The following ZFHX3 variants were observed in gnomAD, a reference collection of about 807,000 sequenced individuals.
ZFHX3 encodes the protein zinc finger homeobox 3, also known as zinc finger homeobox protein 3.
A neutral mutation model predicts 279.1 loss-of-function variants in ZFHX3; 42 were observed. The ratio of observed to expected loss-of-function variants is 0.15; its 90% CI spans 0.12 to 0.19. ZFHX3 has a LOEUF of 0.19. Ranked by LOEUF, ZFHX3 falls within the 10% of genes least tolerant of loss-of-function variation. The pLI is 1.00. For synonymous variants in ZFHX3, 2,293 were observed against 1,957.8 expected (o/e 1.17, Z -4.52); for missense variants, 4,981 against 4,754.0 (o/e 1.05, Z -1.40).
intron 4 of ZFHX3, among the ~76,000 whole-genome samples, chr16:72,858,948 C>T (rs971685066): frequency 2.6e-5 from 4 of 152,178 alleles, no homozygotes; most frequent in South Asian, 2.1e-4. Context: ...AGCTCAACTT[C>T]GCTTTCTGTC....
At chr16:73,215,227 T>A (rs1006853669) in intron 5 of ZFHX3, among the ~76,000 whole-genome samples, 15 of 152,216 alleles carry the variant, frequency 9.9e-5, no homozygotes, top group African/African-American at 3.6e-4. Context: ...CCTGCAAGAA[T>A]CTGTCCTCCA....
chr16:72,911,301 A>G (rs1353315249), intron 3 of ZFHX3, among the ~76,000 whole-genome samples: 2 of 152,210 alleles, frequency 1.3e-5, no homozygotes, highest in African/African-American at 4.8e-5. Flanking sequence ...AAACAGCTCC[A>G]TGTTTCCCCC....
chr16:72,816,074 T>C (rs936426136), intron 5 of ZFHX3, among the ~76,000 whole-genome samples: 3 of 152,166 alleles, frequency 2.0e-5, no homozygotes, highest in African/African-American at 4.8e-5. Flanking sequence ...ATGTAAAAAG[T>C]AGGTATTAGA....
intron 1 of ZFHX3, among the ~76,000 whole-genome samples, chr16:73,694,578 G>A (rs1026913464): frequency 2.0e-5 from 3 of 152,044 alleles, no homozygotes; most frequent in South Asian, 2.1e-4. Flanking sequence ...TCCCGACCTC[G>A]TGATCCATCC....
intron 7 of ZFHX3, among the ~76,000 whole-genome samples, chr16:72,809,052 T>C (rs1268631230): frequency 1.3e-5 from 2 of 152,362 alleles, no homozygotes; most frequent in East Asian, 1.9e-4. Context: ...GAAGACTCTG[T>C]TGGTAAATGA....
At chr16:73,694,353 T>A (rs1010522771) in intron 1 of ZFHX3, among the ~76,000 whole-genome samples, 8 of 152,044 alleles carry the variant, frequency 5.3e-5, no homozygotes, top group African/African-American at 1.9e-4. Context: ...TATTTTTATT[T>A]ATTTTTTTGA....
At chr16:72,844,697 GGTC>G (rs2037433665) in intron 4 of ZFHX3, among the ~76,000 whole-genome samples, 1 of 152,134 alleles carries the variant, frequency 6.6e-6, no homozygotes, top group African/African-American at 2.4e-5. Context: ...TTGGCTTAGA[GGTC>G]GTTAAACCAT....
intron 5 of ZFHX3, among the ~76,000 whole-genome samples, chr16:73,236,916 A>C (rs1187228146): frequency 1.3e-5 from 2 of 152,224 alleles, no homozygotes; most frequent in Non-Finnish European, 1.5e-5. Context: ...AGCAAAGGGC[A>C]CTTCAGCAAA....
intron 1 of ZFHX3, among the ~76,000 whole-genome samples, chr16:72,985,873 T>C (rs1962818781): frequency 5.3e-5 from 8 of 152,216 alleles, no homozygotes; most frequent in Admixed American, 5.2e-4. Context: ...AGGTAATCAA[T>C]ACCACTGAGA....
chr16:73,562,254 T>C (rs1327405361), intron 2 of ZFHX3, among the ~76,000 whole-genome samples: 1 of 152,180 alleles, frequency 6.6e-6, no homozygotes, highest in Non-Finnish European at 1.5e-5. Context: ...GGTTGTGCCC[T>C]GAAGTTCTGA....
chr16:73,507,590 G>T (rs1462499780), intron 2 of ZFHX3, among the ~76,000 whole-genome samples: 1 of 147,484 alleles, frequency 6.8e-6, no homozygotes, highest in Non-Finnish European at 1.5e-5. Context: ...CACATTCCTG[G>T]GCTCAAGTGA....
At chr16:73,779,745 G>A (rs1430896006) in intron 1 of ZFHX3, among the ~76,000 whole-genome samples, 1 of 152,058 alleles carries the variant, frequency 6.6e-6, no homozygotes, top group East Asian at 1.9e-4. Context: ...TTGAGAAAGA[G>A]TCTCGTTCTG....
Position 72,947,700 on chromosome 16 carries a change from C to T in ZFHX3, c.3216+2769G>A, listed in dbSNP as rs909057710. On this transcript the variant is annotated intron_variant, in intron 3 of 9. Transcript: ENST00000268489. Reference sequence around the variant, plus strand: ...GATCATGAATAATTTGCCAGGGAACCGGGACAGGGTGGGGTGGGGAAGGGG... The same window carrying T: ...GATCATGAATAATTTGCCAGGGAACTGGGACAGGGTGGGGTGGGGAAGGGG... 7.3e-5 allele frequency among the ~76,000 whole-genome samples: 11 copies of T among 150,214 alleles called. No homozygotes were observed. In the East Asian group the frequency reaches 1.0e-3, roughly 14 times the overall value.
At chr16:73,258,358 TTTGTTTTCTGAG>T (rs1567432755) in intron 4 of ZFHX3, among the ~76,000 whole-genome samples, 1 of 150,726 alleles carries the variant, frequency 6.6e-6, no homozygotes, top group Non-Finnish European at 1.5e-5. Context: ...TATATATATA[TTTGTTTTCTGAG>T]ACAGGGTCTC....
At chr16:73,806,391 A>G (rs1960276553) in intron 1 of ZFHX3, among the ~76,000 whole-genome samples, 1 of 152,218 alleles carries the variant, frequency 6.6e-6, no homozygotes, top group African/African-American at 2.4e-5. Context: ...CAGTGAGAGA[A>G]CAAGAGATCA....
chr16:73,060,104 A>G (rs1965661743), upstream of ZFHX3: 1 of 152,164 alleles, frequency 6.6e-6, no homozygotes. Context: ...CAGGGATGTA[A>G]TAAAGGCAGT....
intron 4 of ZFHX3, among the ~76,000 whole-genome samples, chr16:73,273,498 A>C (rs962051181): frequency 6.6e-6 from 1 of 152,188 alleles, no homozygotes; most frequent in African/African-American, 2.4e-5. Context: ...TTTATATATA[A>C]AACACATATA....
chr16:73,792,351 A>G (rs1391689473), intron 1 of ZFHX3, among the ~76,000 whole-genome samples: 5 of 152,214 alleles, frequency 3.3e-5, no homozygotes, highest in African/African-American at 1.2e-4. Context: ...AAGCACGCCA[A>G]AAGAAGTGCC....
At chr16:73,118,650 A>T (rs756169249) in intron 7 of ZFHX3, among the ~76,000 whole-genome samples, 35 of 152,156 alleles carry the variant, frequency 2.3e-4, no homozygotes, top group Non-Finnish European at 4.1e-4. Flanking sequence ...GACCACTAGG[A>T]GTTACCTGTG....
Sources: gnomAD v4.1 joint callset for allele counts (sites outside exome capture counted in the v4.1 genomes callset) on GRCh38, gnomAD v4.1.1 for gene constraint, MANE v1.5 for transcripts, NCBI Gene and HGNC (gene_info 2026-07-23, HGNC 2026-07-21) for gene names.